RNASEH2B: variants seen among roughly 807,000 people sequenced by gnomAD.
RNASEH2B encodes Aicardi-Goutieres syndrome 2 protein.
A neutral mutation model predicts 45.0 loss-of-function variants in RNASEH2B; 36 were observed. The observed-to-expected ratio is 0.80, with a 90% CI of 0.61 to 1.06. The LOEUF is 1.06. RNASEH2B is among the 50% of genes least tolerant of loss of function. The probability of loss-of-function intolerance (pLI) is 0.00; values close to 1 mark genes in which losing one functional copy is unlikely to be tolerated. For synonymous variants in RNASEH2B, 119 were observed against 125.7 expected (o/e 0.95, Z 0.35); for missense variants, 361 against 360.3 (o/e 1.00, Z -0.02).
At chr13:50,934,714 G>A (rs1215759704) in intron 4 of RNASEH2B, 171 bp from the exon 5 acceptor site, 1 of 638,718 alleles carries the variant, frequency 1.6e-6, no homozygotes, top group East Asian at 2.8e-5. Context: ...TTCCTGAAGG[G>A]AGCTGGGGTC....
At chr13:50,920,263 T>G (rs1330460308) in intron 1 of RNASEH2B, among the ~76,000 whole-genome samples, 1 of 152,236 alleles carries the variant, frequency 6.6e-6, no homozygotes, top group African/African-American at 2.4e-5. Context: ...CGGGCTGGTC[T>G]CTAACTCCTG....
intron 1 of RNASEH2B, 31 bp downstream of exon 1, chr13:50,910,171 G>A: frequency 2.9e-6 from 4 of 1,380,382 alleles, no homozygotes; most frequent in Non-Finnish European, 3.8e-6. Flanking sequence ...GGCGGGGTCG[G>A]CCCAAGAACT....
chr13:50,927,422 C>T lies in RNASEH2B; in HGVS notation c.80C>T (p.Ala27Val), dbSNP rs1334614585. ...VFLVSEYLKD[A>V]SKKMKNGLMF... ...TTATTTTCAGAATATTTAAAAGATGCTTCAAAGAAGATGAAAAATGGGCTA... is the reference window on the plus strand; with the variant it reads ...TTATTTTCAGAATATTTAAAAGATGTTTCAAAGAAGATGAAAAATGGGCTA... Residue 27 changes from alanine to valine, a missense_variant, in exon 2 of 11, where the codon GCT becomes GTT. Physicochemically the swap from Ala to Val is moderately conservative, Grantham distance 64. Transcript: ENST00000336617. 5 of 1,591,246 alleles carry T rather than the reference C, an allele frequency of 3.1e-6. No homozygotes were observed. Among genetic ancestry groups the T allele is most frequent in the Middle Eastern group, 3.3e-4 (2 of 6,018 alleles).
chr13:50,966,874 A>G (rs1263983142), intron 9 of RNASEH2B, among the ~76,000 whole-genome samples: 1 of 152,266 alleles, frequency 6.6e-6, no homozygotes. Flanking sequence ...TTCTGACAAC[A>G]GTGAACAAAT....
chr13:50,937,492 G>A (rs1322790275), intron 5 of RNASEH2B: 1 of 152,146 alleles, frequency 6.6e-6, no homozygotes, highest in African/African-American at 2.4e-5. Flanking sequence ...CTCCTAAAGT[G>A]CCGAGATTAT....
At chr13:50,951,455 C>G (rs1951974625) in intron 9 of RNASEH2B, 1 of 152,146 alleles carries the variant, frequency 6.6e-6, no homozygotes, top group Admixed American at 6.5e-5. Context: ...TATCATATGT[C>G]TGCCTTTGTT....
intron 4 of RNASEH2B, 165 bp downstream of exon 4, chr13:50,930,924 TA>T: frequency 1.5e-6 from 1 of 672,204 alleles, no homozygotes; most frequent in Non-Finnish European, 2.7e-6. Context: ...GACAGAGCAC[TA>T]CTGCACAGGC....
chr13:50,966,829 C>G (rs1321822725), intron 9 of RNASEH2B, among the ~76,000 whole-genome samples: 1 of 152,170 alleles, frequency 6.6e-6, no homozygotes, highest in Non-Finnish European at 1.5e-5. Context: ...TGTTTTCTTA[C>G]TAAATGTACA....
At chr13:50,965,203 A>G (rs546757582) in intron 9 of RNASEH2B, among the ~76,000 whole-genome samples, 53 of 152,382 alleles carry the variant, frequency 3.5e-4, no homozygotes, top group East Asian at 5.8e-4. Flanking sequence ...GTTTAGATAT[A>G]CAAGTACTTA....
chr13:50,920,388 A>G (rs755501672), intron 1 of RNASEH2B, among the ~76,000 whole-genome samples: 4 of 152,180 alleles, frequency 2.6e-5, no homozygotes, highest in Admixed American at 6.5e-5. Context: ...GCCAGAGTTA[A>G]TGGTGACCGG....
downstream of RNASEH2B, chr13:50,959,340 C>G (rs1056657079): frequency 6.6e-6 from 1 of 152,070 alleles, no homozygotes; most frequent in African/African-American, 2.4e-5. Flanking sequence ...GACATATATA[C>G]ATAAACTTTT....
At chr13:50,958,278 G>A (rs1952075914), downstream of RNASEH2B, among the ~76,000 whole-genome samples, 1 of 152,138 alleles carries the variant, frequency 6.6e-6, no homozygotes, top group African/African-American at 2.4e-5. Context: ...TATGGTGATA[G>A]GTAGGAGTCC....
At chr13:50,935,427 A>G in intron 5 of RNASEH2B, 2 of 208,456 alleles carry the variant, frequency 9.6e-6, no homozygotes, top group East Asian at 2.3e-4. Context: ...CTTATGAATA[A>G]GACATTGTCC....
chr13:50,944,494 G>A (rs1303907510), intron 6 of RNASEH2B, among the ~76,000 whole-genome samples: 1 of 152,104 alleles, frequency 6.6e-6, no homozygotes, highest in African/African-American at 2.4e-5. Context: ...GGACAAATAT[G>A]TAATACATGT....
At chr13:50,960,901 G>A (rs1284911262), downstream of RNASEH2B, among the ~76,000 whole-genome samples, 2 of 152,126 alleles carry the variant, frequency 1.3e-5, no homozygotes, top group Admixed American at 6.5e-5. Context: ...TAGCACTGGA[G>A]CCTTTTTGTT....
At chr13:50,943,000 CTCCTGTCCCTATCAACAAGATTATTT>C in intron 5 of RNASEH2B, 1 of 283,096 alleles carries the variant, frequency 3.5e-6, no homozygotes, top group Non-Finnish European at 6.6e-6. Flanking sequence ...ATTTCCCTGC[CTCCTGTCCCTATCAACAAGATTATTT>C]TCCTTTCACA....
At chr13:50,915,323 C>T (rs569581046) in intron 1 of RNASEH2B, 2 of 397,930 alleles carry the variant, frequency 5.0e-6, no homozygotes, top group Non-Finnish European at 8.9e-6. Context: ...TGCTCCAGCT[C>T]AGCTTCTCCG....
intron 1 of RNASEH2B, chr13:50,911,409 T>C (rs1281102889): frequency 4.6e-5 from 7 of 152,262 alleles, no homozygotes; most frequent in Non-Finnish European, 1.0e-4. Context: ...GATGGACATT[T>C]GGGTTGTTTC....
intron 1 of RNASEH2B, among the ~76,000 whole-genome samples, chr13:50,920,831 T>C (rs1951514919): frequency 6.6e-6 from 1 of 152,252 alleles, no homozygotes. Flanking sequence ...GTTATGTTTA[T>C]TGAGTATATC....
Sources: allele counts gnomAD v4.1 joint callset (sites outside exome capture counted in the v4.1 genomes callset), GRCh38; gene constraint gnomAD v4.1.1; transcripts MANE v1.5; gene names NCBI Gene and HGNC (gene_info 2026-07-23, HGNC 2026-07-21).